Variants in CLUH observed in about 807,000 individuals in gnomAD.
CLUH encodes the protein CLUH binding protein of NUMT mRNA.
A neutral mutation model predicts 139.3 loss-of-function variants in CLUH; 77 were observed. The ratio of observed to expected loss-of-function variants is 0.55; its 90% CI spans 0.46 to 0.67. The LOEUF (loss-of-function observed/expected upper bound fraction) is 0.67. Among genes scored for constraint, CLUH ranks in the 30% least tolerant of loss-of-function variants. CLUH has a pLI of 0.00. For missense variants in CLUH, 1,876 were observed against 1,875.8 expected (o/e 1.00, Z 0.00); for synonymous variants, 999 against 801.6 (o/e 1.25, Z -4.16).
In CLUH at chr17:2,694,938, G is replaced by A; in HGVS notation, c.2771C>T (p.Ala924Val). Reference sequence around the variant, plus strand: ...CTCCTGGGGGGTCATGACAGCCCAGGCTGTGTTATCTGCAGCCCCCGGGGG... The same window carrying A: ...CTCCTGGGGGGTCATGACAGCCCAGACTGTGTTATCTGCAGCCCCCGGGGG... ...NRPPGAADNT[A>V]WAVMTPQELW... The change falls in exon 16 of 26, where the codon GCC (alanine) becomes GTC (valine). Residue 924 changes from alanine to valine, a missense_variant. By Grantham distance (64) the Ala-to-Val change is moderately conservative. Coordinates refer to ENST00000651024, the MANE Select transcript of CLUH (RefSeq NM_001366661.1). 2 of 1,610,746 alleles carry A rather than the reference G, an allele frequency of 1.2e-6. No individual in the cohort carries two copies. The highest frequency in any genetic ancestry group is 1.7e-6 in the Non-Finnish European group (2 of 1,178,538).
intron 13 of CLUH, 151 bp downstream of exon 13, chr17:2,696,008 G>A: frequency 1.5e-6 from 1 of 657,580 alleles, no homozygotes. Flanking sequence ...TGGGGGTCAG[G>A]CTCCCCATCT....
intron 13 of CLUH, 41 bp from the exon 14 acceptor site, chr17:2,695,567 G>A (rs756548286): frequency 5.8e-6 from 9 of 1,540,560 alleles, no homozygotes; most frequent in Non-Finnish European, 7.8e-6. Flanking sequence ...CAGCTCCTCT[G>A]CCTCCACCCA....
intron 19 of CLUH, among the ~76,000 whole-genome samples, chr17:2,693,694 A>G (rs2069812059): frequency 6.6e-6 from 1 of 152,134 alleles, no homozygotes. Context: ...ATCGCCTCCC[A>G]GAACTGACCT....
chr17:2,699,030 G>C (rs2070080806), intron 9 of CLUH, among the ~76,000 whole-genome samples: 1 of 152,112 alleles, frequency 6.6e-6, no homozygotes, highest in Non-Finnish European at 1.5e-5. Context: ...CTGGGGGACA[G>C]AGTGAGACTC....
intron 6 of CLUH, 35 bp downstream of exon 6, chr17:2,701,331 C>T (rs770808476): frequency 1.3e-5 from 21 of 1,605,968 alleles, no homozygotes; most frequent in South Asian, 3.3e-5. Context: ...ACGGCTGGCA[C>T]GGCAGGGGGG....
chr17:2,692,167 G>T, intron 22 of CLUH, 70 bp from the exon 23 acceptor site: 4 of 1,488,332 alleles, frequency 2.7e-6, no homozygotes, highest in Non-Finnish European at 3.6e-6. Context: ...TGACTCGGGG[G>T]CCCGGGGTCT....
chr17:2,705,473 C>A (rs910794069), intron 1 of CLUH, among the ~76,000 whole-genome samples: 17 of 152,112 alleles, frequency 1.1e-4, no homozygotes, highest in Non-Finnish European at 2.1e-4. Flanking sequence ...CTGGTACCGC[C>A]CACAGCCCTC....
chr17:2,709,088 C>T (rs943818369), intron 1 of CLUH, among the ~76,000 whole-genome samples: 2 of 152,216 alleles, frequency 1.3e-5, no homozygotes, highest in Non-Finnish European at 2.9e-5. Flanking sequence ...TTGCCCCGGC[C>T]TGGAGGCGCC....
intron 1 of CLUH, among the ~76,000 whole-genome samples, chr17:2,709,525 TC>T (rs2070448613): frequency 6.6e-6 from 1 of 151,656 alleles, no homozygotes; most frequent in African/African-American, 2.4e-5. Context: ...CTCCTCCTCC[TC>T]CCCCTCTGGG....
rs774431181 is a variant in CLUH at position 2,692,387 on chromosome 17, C to T, written c.3534G>A (p.Gly1178=). The T allele has an allele frequency of 1.3e-6, 2 of 1,592,222 alleles. No homozygotes were observed. The highest frequency in any genetic ancestry group is 1.7e-6 in the Non-Finnish European group (2 of 1,176,590). ...TGAGGGCCACCTTGAGGGCCTTGGGCCCGTGGTACTTGGTGCTGACGGCCA... is the reference window on the plus strand; with the variant it reads ...TGAGGGCCACCTTGAGGGCCTTGGGTCCGTGGTACTTGGTGCTGACGGCCA... The part of the protein sequence containing the change: ...NALAVSTKYH[G]PKALKVALSH... Residue 1178 remains glycine, a synonymous_variant, in exon 22 of 26, where the codon GGG becomes GGA. Coordinates refer to ENST00000651024, the MANE Select transcript of CLUH (RefSeq NM_001366661.1).
At position 2,694,573 on chromosome 17, in the gene CLUH, G is replaced by C. The variant is rs748635201; in HGVS notation, c.2853-9C>G. ...CCTGGTCCACGGTCTCACTGAGGAG[G>C]GAGCAGGGGGCCTGAGCAGCCCAAG... On this transcript the variant is annotated splice_polypyrimidine_tract_variant and intron_variant, in intron 16 of 25. Transcript: ENST00000651024. The C allele has an allele frequency of 1.3e-6, 2 of 1,566,850 alleles. No homozygotes were observed. The highest frequency in any genetic ancestry group is 1.7e-6 in the Non-Finnish European group (2 of 1,155,700).
At position 2,707,031 on chromosome 17, in the gene CLUH, C is replaced by CA. The variant is rs763965379; in HGVS notation, c.101-2468dup. On this transcript the variant is annotated intron_variant, in intron 1 of 25. Transcript: ENST00000651024. This position sits in a 1 kb window ranked among gnomAD's most constrained non-coding sequence, Gnocchi z 7.4. The stretch of plus-strand genomic sequence containing the variant: ...GTTTCAAAGGAATGCAGCTGGCTCC[C>CA]AAGGGGCCTCCTCTCCCCAGGACAG... 1.3e-4 allele frequency: 41 copies of CA among 322,318 alleles called. No homozygotes were observed. The highest frequency in any genetic ancestry group is 1.7e-4 in the Non-Finnish European group (39 of 223,736). 20.0% of individuals were successfully genotyped at this position (322,318 alleles called of 1,614,324 possible).
intron 1 of CLUH, among the ~76,000 whole-genome samples, chr17:2,709,765 G>T (rs1279951231): frequency 3.9e-5 from 6 of 152,202 alleles, no homozygotes; most frequent in Middle Eastern, 3.4e-3. Flanking sequence ...ATGCTCAGGT[G>T]GGCCCCAGCT....
Position 2,693,397 on chromosome 17 carries a change from G to GAAAC in CLUH, c.3231+499_3231+502dup, listed in dbSNP as rs367898536. ...GGTGACAAAGCAAGACCCTGTCTCAGAAACAAACAAACAAACAAACAACCC... is the reference window on the plus strand; with the variant it reads ...GGTGACAAAGCAAGACCCTGTCTCAGAAACAAACAAACAAACAAACAAACAACCC... On this transcript the variant is annotated intron_variant, in intron 19 of 25. Transcript: ENST00000651024. Among the ~76,000 whole-genome samples, 134 of 151,922 alleles carry GAAAC rather than the reference G, an allele frequency of 8.8e-4. 1 individual carries two copies. In the South Asian group the frequency reaches 0.013, roughly 15 times the overall value.
chr17:2,692,549 G>T (rs757017772), intron 21 of CLUH, 22 bp downstream of exon 21: 1 of 1,598,622 alleles, frequency 6.3e-7, no homozygotes, highest in Admixed American at 1.7e-5. Flanking sequence ...GGTCCCTGCC[G>T]CCCCCCCGCC....
intron 3 of CLUH, among the ~76,000 whole-genome samples, chr17:2,702,272 G>A (rs147832010): frequency 1.3e-5 from 2 of 152,326 alleles, no homozygotes; most frequent in South Asian, 2.1e-4. Context: ...TGGTGAGCAG[G>A]GATCTTTGTT....
Position 2,711,674 on chromosome 17 carries a change from G to C in CLUH, c.-13C>G. ...TCTTGATAACCATGGTGGCGGGAGC[G>C]GGCGTCCGCCTCGGCTGTCCGCGCC... On this transcript the variant is annotated 5_prime_UTR_variant, in exon 1 of 26. Coordinates refer to ENST00000651024, the MANE Select transcript of CLUH (RefSeq NM_001366661.1). The C allele has an allele frequency of 1.0e-6, 1 of 977,214 alleles. No individual in the cohort carries two copies. Among genetic ancestry groups the C allele is most frequent in the Non-Finnish European group, 1.2e-6 (1 of 822,622 alleles). 60.5% of individuals were successfully genotyped at this position (977,214 alleles called of 1,614,324 possible).
Position 2,700,707 on chromosome 17 carries a change from G to T in CLUH, c.1144C>A (p.Leu382Met). The change falls in exon 8 of 26, where the codon CTG (leucine) becomes ATG (methionine). Residue 382 changes from leucine to methionine, a missense_variant. Physicochemically the swap from Leu to Met is conservative, Grantham distance 15. Around this residue, in one of 3 missense-constraint regions of CLUH, gnomAD observed 1,454 missense variants for 1,384.4 expected, o/e 1.05. Coordinates refer to ENST00000651024, the MANE Select transcript of CLUH (RefSeq NM_001366661.1). ...VRAEDAYTSR[L>M]GYEEHIPGQT... ...CCAGGAATGTGCTCCTCATAGCCCA[G>T]CCTCGAGGTGTAGGCGTCCTCTGCA... The T allele has an allele frequency of 1.3e-6, 2 of 1,532,870 alleles. No homozygotes were observed. Among genetic ancestry groups the T allele is most frequent in the Non-Finnish European group, 1.7e-6 (2 of 1,144,366 alleles). The allele number at this position is 1,532,870 out of a possible 1,614,324, so 95.0% of individuals were successfully genotyped here.
At chr17:2,702,714 G>A (rs1346792571) in intron 3 of CLUH, among the ~76,000 whole-genome samples, 4 of 152,190 alleles carry the variant, frequency 2.6e-5, no homozygotes, top group African/African-American at 7.2e-5. Context: ...CTAGGGCTAG[G>A]AAACGTTTGG....
Sources: allele counts gnomAD v4.1 joint callset (sites outside exome capture counted in the v4.1 genomes callset), GRCh38; gene constraint gnomAD v4.1.1; regional missense constraint gnomAD v4.1.1; non-coding constraint Gnocchi (gnomAD v3.1); transcripts MANE v1.5; gene names NCBI Gene and HGNC (gene_info 2026-07-23, HGNC 2026-07-21).